The following LSM14A variants were observed in gnomAD, a reference collection of about 807,000 sequenced individuals.
LSM14A encodes protein LSM14 homolog A.
LSM14A carries 14 observed loss-of-function variants against 52.4 expected under a neutral mutation model. That is an observed-to-expected ratio of 0.27 (90% CI 0.18 to 0.42). The LOEUF is 0.42. LSM14A is among the 10% of genes least tolerant of loss of function. LSM14A has a pLI of 1.00. For missense variants in LSM14A, 417 were observed against 581.8 expected (o/e 0.72, Z 2.91); for synonymous variants, 185 against 200.3 (o/e 0.92, Z 0.64).
intron 9 of LSM14A, chr19:34,226,395 T>C: frequency 6.7e-7 from 1 of 1,491,486 alleles, no homozygotes; most frequent in East Asian, 2.5e-5. Context: ...TTTTTTTTTT[T>C]TTTACCTTTC....
At chr19:34,197,421 A>ATTTCTT (rs2070928744) in intron 3 of LSM14A, among the ~76,000 whole-genome samples, 2 of 120,502 alleles carry the variant, frequency 1.7e-5, no homozygotes, top group African/African-American at 3.1e-5. Flanking sequence ...TTTCTTTTTA[A>ATTTCTT]TTTCTTTTTC....
chr19:34,212,205 C>G (rs192117009), intron 4 of LSM14A, among the ~76,000 whole-genome samples: 29 of 151,756 alleles, frequency 1.9e-4, no homozygotes, highest in Non-Finnish European at 3.4e-4. Context: ...GTGATGTGTG[C>G]GCCTATCAGC....
rs2072725749 is a variant in LSM14A, at chr19:34,217,611, C to CT, written c.782-1780_782-1779insT. ...ATATATATATATTTTTATATCCCCC[C>CT]CCCCCGTGTTTTTTTTTTTTTTTTT... On this transcript the variant is annotated intron_variant, in intron 6 of 9. Transcript: ENST00000544216. 3.6e-5 allele frequency among the ~76,000 whole-genome samples: 2 copies of CT among 55,082 alleles called. 1 individual carries two copies. Among genetic ancestry groups the CT allele is most frequent in the African/African-American group, 1.8e-4 (2 of 10,902 alleles). 36.1% of individuals were successfully genotyped at this position (55,082 alleles called of 152,430 possible).
intron 1 of LSM14A, among the ~76,000 whole-genome samples, chr19:34,180,209 G>C (rs2069379910): frequency 6.6e-6 from 1 of 152,210 alleles, no homozygotes; most frequent in Non-Finnish European, 1.5e-5. Flanking sequence ...GTGAGCCACA[G>C]TGTCTGGCTT....
In LSM14A at chr19:34,216,545, C is replaced by T. The variant is rs879541832; in HGVS notation, c.781+884C>T. Among the ~76,000 whole-genome samples the T allele has an allele frequency of 5.3e-5, 8 of 152,064 alleles. No individual in the cohort carries two copies. The South Asian group carries it at 8.3e-4, about 16-fold the overall frequency. ...TGTGATCTCAGCTCACGGCAGCCTC[C>T]GCCTCCCGGGTTCAAGTAATTCTCC... On this transcript the variant is annotated intron_variant, in intron 6 of 9. Coordinates refer to ENST00000544216, the MANE Select transcript of LSM14A (RefSeq NM_015578.4).
chr19:34,206,607 G>A (rs898413308), intron 3 of LSM14A, among the ~76,000 whole-genome samples: 52 of 151,750 alleles, frequency 3.4e-4, no homozygotes, highest in Admixed American at 6.6e-5. Flanking sequence ...CCCAGGAGGC[G>A]GAGGTTACAG....
chr19:34,226,335 C>G (rs2073335884), intron 9 of LSM14A: 1 of 1,397,258 alleles, frequency 7.2e-7, no homozygotes, highest in Non-Finnish European at 9.5e-7. Flanking sequence ...CTCCCCCTTT[C>G]ATTTTCTCCT....
intron 1 of LSM14A, among the ~76,000 whole-genome samples, chr19:34,186,992 C>T (rs1191421683): frequency 6.6e-6 from 1 of 151,808 alleles, no homozygotes; most frequent in Non-Finnish European, 1.5e-5. Flanking sequence ...GTCATCCCAA[C>T]TCTTTGGGAG....
intron 1 of LSM14A, among the ~76,000 whole-genome samples, chr19:34,183,098 A>AAT (rs1327980340): frequency 2.0e-5 from 3 of 152,142 alleles, no homozygotes; most frequent in Non-Finnish European, 4.4e-5. Flanking sequence ...TGGAGATTAA[A>AAT]ATATAAAAAC....
chr19:34,176,613 G>T (rs1274604435), intron 1 of LSM14A, among the ~76,000 whole-genome samples: 1 of 151,976 alleles, frequency 6.6e-6, no homozygotes, highest in African/African-American at 2.4e-5. Flanking sequence ...TTTATTTTTA[G>T]CTTTTATTGT....
At position 34,209,150 on chromosome 19, in the gene LSM14A, A is replaced by G. The variant is rs976403018; in HGVS notation, c.538+99A>G. The G allele has an allele frequency of 9.6e-5, 99 of 1,036,290 alleles. No individual in the cohort carries two copies. The African/African-American group carries it at 1.4e-3, about 15-fold the overall frequency. The allele number at this position is 1,036,290 out of a possible 1,614,324, so 64.2% of individuals were successfully genotyped here. On this transcript the variant is annotated intron_variant, in intron 4 of 9. Transcript: ENST00000544216. ...CTTTTGCAGCTTGTAAATCGCGTGT[A>G]TAATTTCTATTTGGCTCTTTTAAAA...
At chr19:34,216,887 A>G (rs956543881) in intron 6 of LSM14A, among the ~76,000 whole-genome samples, 5 of 152,216 alleles carry the variant, frequency 3.3e-5, no homozygotes, top group African/African-American at 1.2e-4. Context: ...TTAGGATTAT[A>G]AAATTGGTTT....
chr19:34,214,763 C>G (rs2072449484), intron 4 of LSM14A, among the ~76,000 whole-genome samples: 1 of 150,512 alleles, frequency 6.6e-6, no homozygotes, highest in Non-Finnish European at 1.5e-5. Context: ...TTTGACCTGA[C>G]TACAACATGA....
At chr19:34,194,874 A>G (rs532929659) in intron 2 of LSM14A, among the ~76,000 whole-genome samples, 2 of 152,340 alleles carry the variant, frequency 1.3e-5, no homozygotes, top group African/African-American at 2.4e-5. Context: ...TTCAACAACA[A>G]TTACCATAGC....
intron 4 of LSM14A, among the ~76,000 whole-genome samples, chr19:34,210,533 A>G (rs553581723): frequency 2.0e-5 from 3 of 152,228 alleles, no homozygotes; most frequent in Non-Finnish European, 2.9e-5. Flanking sequence ...TGGCCTCCCA[A>G]AGTGCTGGGA....
Position 34,196,647 on chromosome 19 carries a change from C to G in LSM14A, c.299C>G (p.Ser100Ter). 1.9e-6 allele frequency: 3 copies of G among 1,611,114 alleles called. No individual in the cohort carries two copies. The highest frequency in any genetic ancestry group is 2.5e-6 in the Non-Finnish European group (3 of 1,179,108). The change falls in exon 3 of 10, where the codon TCA becomes TGA. Residue 100 changes from serine (S) to a stop codon, truncating the protein, a stop_gained. Coordinates refer to ENST00000544216, the MANE Select transcript of LSM14A (RefSeq NM_015578.4). LOFTEE classifies it high-confidence loss of function. The part of the protein sequence containing the change: ...DPAIVQSSLG[S>*]STSSFQSMGS... Reference sequence around the variant, plus strand: ...ATTTTCCTTCAGTCCTCACTAGGCTCATCGACTTCTTCATTCCAGTCCATG... The same window carrying G: ...ATTTTCCTTCAGTCCTCACTAGGCTGATCGACTTCTTCATTCCAGTCCATG...
chr19:34,196,657 T>A lies in LSM14A; in HGVS notation c.309T>A (p.Ser103=). 6.2e-7 allele frequency: 1 copy of A among 1,612,450 alleles called. No individual in the cohort carries two copies. Reference sequence around the variant, plus strand: ...AGTCCTCACTAGGCTCATCGACTTCTTCATTCCAGTCCATGGGTTCTTATG... The same window carrying A: ...AGTCCTCACTAGGCTCATCGACTTCATCATTCCAGTCCATGGGTTCTTATG... ...IVQSSLGSST[S]SFQSMGSYGP... The change falls in exon 3 of 10, where the codon TCT becomes TCA. Residue 103 remains serine, a synonymous_variant. Coordinates refer to ENST00000544216, the MANE Select transcript of LSM14A (RefSeq NM_015578.4).
At chr19:34,178,330 C>T (rs992229109) in intron 1 of LSM14A, among the ~76,000 whole-genome samples, 1 of 152,080 alleles carries the variant, frequency 6.6e-6, no homozygotes, top group Non-Finnish European at 1.5e-5. Context: ...AGCTTTAGTT[C>T]TAGAAAGTGA....
chr19:34,201,958 A>G (rs1178655029), intron 3 of LSM14A, among the ~76,000 whole-genome samples: 1 of 151,700 alleles, frequency 6.6e-6, no homozygotes, highest in African/African-American at 2.4e-5. Context: ...AGTAGCTGGG[A>G]CTACAGGCAT....
Sources: allele counts gnomAD v4.1 joint callset (sites outside exome capture counted in the v4.1 genomes callset), GRCh38; gene constraint gnomAD v4.1.1; transcripts MANE v1.5; gene names NCBI Gene and HGNC (gene_info 2026-07-23, HGNC 2026-07-21).